The following SPDYA variants were observed in gnomAD, a reference collection of about 807,000 sequenced individuals.
SPDYA encodes speedy/RINGO cell cycle regulator family member A, also known as speedy protein A.
In SPDYA, 11 loss-of-function variants were observed where a neutral mutation model predicts 36.7. The ratio of observed to expected loss-of-function variants is 0.30; its 90% CI spans 0.19 to 0.50. The LOEUF (loss-of-function observed/expected upper bound fraction) is 0.50, where lower values mean the gene tolerates loss of function less well. Among genes scored for constraint, SPDYA ranks in the 20% least tolerant of loss-of-function variants. The pLI is 0.98. For missense variants in SPDYA, 287 were observed against 370.9 expected (o/e 0.77, Z 1.86); for synonymous variants, 115 against 118.7 (o/e 0.97, Z 0.20).
intron 4 of SPDYA, among the ~76,000 whole-genome samples, chr2:28,819,802 T>C (rs557129411): frequency 2.7e-4 from 27 of 101,172 alleles, no homozygotes; most frequent in Admixed American, 1.1e-3. Context: ...CTTGGCAACA[T>C]AGGGAGACCT....
chr2:28,829,954 AAAAAAG>A (rs1422927397), intron 6 of SPDYA, among the ~76,000 whole-genome samples: 4 of 138,688 alleles, frequency 2.9e-5, no homozygotes, highest in South Asian at 2.4e-4. Context: ...AAAAAAAAAA[AAAAAAG>A]AAAAGAAAAG....
intron 7 of SPDYA, among the ~76,000 whole-genome samples, chr2:28,847,678 G>C (rs1159290012): frequency 1.3e-5 from 2 of 150,602 alleles, no homozygotes; most frequent in Non-Finnish European, 3.0e-5. Flanking sequence ...CCTGGGAGTT[G>C]GAGGTTGCAG....
intron 1 of SPDYA, among the ~76,000 whole-genome samples, chr2:28,812,918 TCTC>T (rs374899812): frequency 4.6e-4 from 70 of 151,956 alleles, no homozygotes; most frequent in African/African-American, 1.6e-3. Context: ...TTCTCCTACT[TCTC>T]CTTCTTTCCC....
chr2:28,815,622 A>G (rs984797651), intron 2 of SPDYA, among the ~76,000 whole-genome samples: 10 of 152,108 alleles, frequency 6.6e-5, no homozygotes, highest in African/African-American at 2.4e-4. Context: ...AATATAATAA[A>G]ATTATGTCAA....
At chr2:28,839,557 A>G (rs1668696385) in intron 6 of SPDYA, among the ~76,000 whole-genome samples, 1 of 152,186 alleles carries the variant, frequency 6.6e-6, no homozygotes, top group African/African-American at 2.4e-5. Flanking sequence ...GCTGGAGTGC[A>G]GTGACGCGAT....
Position 28,840,447 on chromosome 2 carries a change from T to C in SPDYA, c.828T>C (p.Ser276=). 1 of 1,613,988 alleles carries C rather than the reference T, an allele frequency of 6.2e-7. No individual in the cohort carries two copies. Among genetic ancestry groups the C allele is most frequent in the Non-Finnish European group, 8.5e-7 (1 of 1,179,966 alleles). The change falls in exon 7 of 8, where the codon TCT becomes TCC. Residue 276 remains serine, a synonymous_variant. Transcript: ENST00000334056. ...SLSMDIIGDP[S]QAYTGSEVVN... ...CAATGGACATAATAGGTGATCCTTCTCAAGCTTATACTGGTTCTGAAGGTA... is the reference window on the plus strand; with the variant it reads ...CAATGGACATAATAGGTGATCCTTCCCAAGCTTATACTGGTTCTGAAGGTA...
chr2:28,829,120 T>C, intron 5 of SPDYA, 28 bp from the exon 6 acceptor site: 2 of 1,592,598 alleles, frequency 1.3e-6, no homozygotes, highest in Non-Finnish European at 1.7e-6. Flanking sequence ...TACCCATTTC[T>C]TTTTTGGGTT....
At chr2:28,822,285 G>A in intron 4 of SPDYA, 40 bp from the exon 5 acceptor site, 1 of 986,620 alleles carries the variant, frequency 1.0e-6, no homozygotes, top group East Asian at 2.8e-5. Context: ...ATTTATGAAA[G>A]CAAAACATTA....
At chr2:28,849,166 C>A (rs1249189510) in intron 7 of SPDYA, among the ~76,000 whole-genome samples, 1 of 152,016 alleles carries the variant, frequency 6.6e-6, no homozygotes, top group Non-Finnish European at 1.5e-5. Flanking sequence ...ATAAGTTGTC[C>A]ATAGTAAGTG....
At chr2:28,834,886 AAAG>A (rs1423777324) in intron 6 of SPDYA, among the ~76,000 whole-genome samples, 1 of 152,206 alleles carries the variant, frequency 6.6e-6, no homozygotes, top group African/African-American at 2.4e-5. Flanking sequence ...GTTAAAATTA[AAAG>A]TAGTTCCTCC....
At chr2:28,816,375 A>T in intron 3 of SPDYA, 126 bp downstream of exon 3, 1 of 740,904 alleles carries the variant, frequency 1.3e-6, no homozygotes, top group Non-Finnish European at 2.0e-6. Context: ...CCCATCTCCA[A>T]CCAAATTTGT....
rs1669010441 is a variant in SPDYA at position 28,850,192 on chromosome 2, G to A, written c.*251G>A. The A allele has an allele frequency of 6.2e-7, 1 of 1,608,946 alleles. No individual in the cohort carries two copies. The highest frequency in any genetic ancestry group is 2.2e-5 in the East Asian group (1 of 44,770). ...ATCTTCAAGTCAGTTACTGTCATCT[G>A]GAGTACTCAGTTAAGTTGTGGTTTG... On this transcript the variant is annotated 3_prime_UTR_variant, in exon 8 of 8. Coordinates refer to ENST00000334056, the MANE Select transcript of SPDYA (RefSeq NM_182756.4).
chr2:28,822,475 A>G, intron 5 of SPDYA, 65 bp downstream of exon 5: 1 of 795,836 alleles, frequency 1.3e-6, no homozygotes, highest in Non-Finnish European at 1.9e-6. Flanking sequence ...CTTATTTAAA[A>G]CAGAGGCTAT....
chr2:28,822,197 A>G (rs1668185874), intron 4 of SPDYA, 128 bp from the exon 5 acceptor site: 2 of 443,648 alleles, frequency 4.5e-6, no homozygotes, highest in African/African-American at 2.0e-5. Context: ...TAAGTACACA[A>G]TTCTATAATA....
rs1667970869 is a variant in SPDYA, at chr2:28,815,878, C to T, written c.-18-119C>T. The stretch of plus-strand genomic sequence containing the variant: ...TAATGGGAGTCACTGTCACAAATAA[C>T]ATTTTAATGGCAAGTTTAGTAACAT... On this transcript the variant is annotated intron_variant, in intron 2 of 7. Coordinates refer to ENST00000334056, the MANE Select transcript of SPDYA (RefSeq NM_182756.4). 7 of 648,020 alleles carry T rather than the reference C, an allele frequency of 1.1e-5. No homozygotes were observed. In the South Asian group the frequency reaches 1.4e-4, roughly 13 times the overall value. 40.1% of individuals were successfully genotyped at this position (648,020 alleles called of 1,614,324 possible).
chr2:28,840,168 A>G lies in SPDYA; in HGVS notation c.553-4A>G, dbSNP rs1308432312. The G allele has an allele frequency of 6.2e-7, 1 of 1,610,086 alleles. No individual in the cohort carries two copies. Among genetic ancestry groups the G allele is most frequent in the Admixed American group, 1.7e-5 (1 of 58,766 alleles). The stretch of plus-strand genomic sequence containing the variant: ...AAATTCTAAAAGTTAGCTTTCTATT[A>G]TAGGTTATGGCCATTGCACCAACCC... On this transcript the variant is annotated splice_polypyrimidine_tract_variant and splice_region_variant and intron_variant, in intron 6 of 7. Coordinates refer to ENST00000334056, the MANE Select transcript of SPDYA (RefSeq NM_182756.4).
chr2:28,811,499 C>T lies in SPDYA; in HGVS notation c.-93+552C>T, dbSNP rs74413086. Among the ~76,000 whole-genome samples the T allele has an allele frequency of 0.036, 5,506 of 152,208 alleles. 356 individuals are homozygous for T. Among genetic ancestry groups the T allele is most frequent in the African/African-American group, 0.13 (5,265 of 41,502 alleles). ...GTGTCTCAGTACCAGGCCCGTAGCTCATTTCTCAGAATTCACGAAGATTCT... is the reference window on the plus strand; with the variant it reads ...GTGTCTCAGTACCAGGCCCGTAGCTTATTTCTCAGAATTCACGAAGATTCT... On this transcript the variant is annotated intron_variant, in intron 1 of 7. Transcript: ENST00000334056. This position sits in a 1 kb window ranked among gnomAD's most constrained non-coding sequence, Gnocchi z 4.2.
intron 7 of SPDYA, 178 bp from the exon 8 acceptor site, chr2:28,849,672 C>G (rs1404380287): frequency 4.0e-6 from 2 of 497,726 alleles, no homozygotes; most frequent in South Asian, 3.0e-5. Context: ...GATTCAAGAG[C>G]CTGTTACATC....
intron 7 of SPDYA, among the ~76,000 whole-genome samples, chr2:28,848,110 G>C (rs1247773858): frequency 6.6e-6 from 1 of 152,134 alleles, no homozygotes; most frequent in Admixed American, 6.5e-5. Context: ...ATGTATAACT[G>C]TATCTGGAAA....
Sources: allele counts gnomAD v4.1 joint callset (sites outside exome capture counted in the v4.1 genomes callset), GRCh38; gene constraint gnomAD v4.1.1; non-coding constraint Gnocchi (gnomAD v3.1); transcripts MANE v1.5; gene names NCBI Gene and HGNC (gene_info 2026-07-23, HGNC 2026-07-21).